The following KCNS2 variants were observed in gnomAD, a reference collection of about 807,000 sequenced individuals.
KCNS2 encodes potassium voltage-gated channel modifier subfamily S member 2, also known as delayed-rectifier potassium channel regulatory subunit KCNS2.
Under a neutral mutation model 28.3 loss-of-function variants are expected in KCNS2, and 15 were observed. That is an observed-to-expected ratio of 0.53 (90% CI 0.35 to 0.82). The LOEUF (loss-of-function observed/expected upper bound fraction) is 0.82. KCNS2 is among the 40% of genes least tolerant of loss of function. The pLI, the probability that KCNS2 is intolerant of heterozygous loss-of-function variation, is 0.01. For missense variants in KCNS2, 501 were observed against 617.1 expected (o/e 0.81, Z 1.99); for synonymous variants, 254 against 256.7 (o/e 0.99, Z 0.10).
rs541495971 is a variant in KCNS2, at chr8:98,429,409, G to A, written c.1430G>A (p.Arg477His). ...PSELSLNDSL[R>H] ...GAACTCAGTTTAAATGATTCCCTAC[G>A]TTAGCCGGGAGGACTTGTCACCCTC... Residue 477 changes from arginine (R) to histidine (H), a missense_variant, in exon 2 of 2, where the codon CGT becomes CAT. Transcript: ENST00000287042. The A allele has an allele frequency of 1.9e-5, 31 of 1,601,648 alleles. No individual in the cohort carries two copies. Among genetic ancestry groups the A allele is most frequent in the Non-Finnish European group, 2.4e-5 (28 of 1,170,384 alleles).
Position 98,429,289 on chromosome 8 carries a change from A to C in KCNS2, c.1310A>C (p.Lys437Thr). ...MRSCDFGDGM[K>T]EVPSVNLRDY... ...AGCTGTGACTTTGGAGATGGAATGAAGGAGGTCCCTTCGGTCAATTTAAGG... is the reference window on the plus strand; with the variant it reads ...AGCTGTGACTTTGGAGATGGAATGACGGAGGTCCCTTCGGTCAATTTAAGG... Residue 437 changes from lysine (K) to threonine (T), a missense_variant, in exon 2 of 2, where the codon AAG (lysine) becomes ACG (threonine). Lys to Thr is a moderately conservative substitution (Grantham distance 78). Transcript: ENST00000287042. 1 of 1,614,146 alleles carries C rather than the reference A, an allele frequency of 6.2e-7. No homozygotes were observed. The highest frequency in any genetic ancestry group is 1.1e-5 in the South Asian group (1 of 91,086).
At position 98,430,935 on chromosome 8, in the gene KCNS2, A is replaced by G. The variant is rs1344239052; in HGVS notation, c.*1522A>G. On this transcript the variant is annotated 3_prime_UTR_variant, in exon 2 of 2. Transcript: ENST00000287042. ...CTCTTGTTCGGTTAACCAGCACATA[A>G]CATTGTGATGGGGAACCTGGGTTCC... 6.0e-6 allele frequency: 1 copy of G among 167,094 alleles called. No homozygotes were observed. The highest frequency in any genetic ancestry group is 1.5e-5 in the Non-Finnish European group (1 of 68,126). 10.4% of individuals were successfully genotyped at this position (167,094 alleles called of 1,614,324 possible).
rs757083260 is a variant in KCNS2, at chr8:98,429,406, T to TA, written c.1428dup (p.Arg477ThrfsTer32). ...AGTGAACTCAGTTTAAATGATTCCC[T>TA]ACGTTAGCCGGGAGGACTTGTCACC... On this transcript the variant is annotated frameshift_variant, in exon 2 of 2. Coordinates refer to ENST00000287042, the MANE Select transcript of KCNS2 (RefSeq NM_020697.4). LOFTEE classifies it high-confidence loss of function. The TA allele has an allele frequency of 1.9e-6, 3 of 1,604,098 alleles. No homozygotes were observed. Among genetic ancestry groups the TA allele is most frequent in the Non-Finnish European group, 2.6e-6 (3 of 1,172,318 alleles).
rs772706491 is a variant in KCNS2 at position 98,429,131 on chromosome 8, C to A, written c.1152C>A (p.Thr384=). 1 of 1,613,322 alleles carries A rather than the reference C, an allele frequency of 6.2e-7. No homozygotes were observed. The highest frequency in any genetic ancestry group is 8.5e-7 in the Non-Finnish European group (1 of 1,179,394). The change falls in exon 2 of 2, where the codon ACC becomes ACA. Residue 384 remains threonine, a synonymous_variant. Coordinates refer to ENST00000287042, the MANE Select transcript of KCNS2 (RefSeq NM_020697.4). Reference sequence around the variant, plus strand: ...GGTACGGGGATGTGGTCCCAGGGACCACGGCAGGAAAGCTGACTGCCTCTG... The same window carrying A: ...GGTACGGGGATGTGGTCCCAGGGACAACGGCAGGAAAGCTGACTGCCTCTG... ...TVGYGDVVPG[T]TAGKLTASAC...
rs752921731 is a variant in KCNS2, at chr8:98,430,933, T to C, written c.*1520T>C. 5 of 167,132 alleles carry C rather than the reference T, an allele frequency of 3.0e-5. No individual in the cohort carries two copies. The highest frequency in any genetic ancestry group is 1.3e-4 in the Admixed American group (2 of 15,292). 10.4% of individuals were successfully genotyped at this position (167,132 alleles called of 1,614,324 possible). On this transcript the variant is annotated 3_prime_UTR_variant, in exon 2 of 2. Coordinates refer to ENST00000287042, the MANE Select transcript of KCNS2 (RefSeq NM_020697.4). ...TCCTCTTGTTCGGTTAACCAGCACA[T>C]AACATTGTGATGGGGAACCTGGGTT...
At position 98,429,197 on chromosome 8, in the gene KCNS2, C is replaced by T; in HGVS notation, c.1218C>T (p.Ile406=). 2.5e-6 allele frequency: 4 copies of T among 1,614,046 alleles called. No homozygotes were observed. The highest frequency in any genetic ancestry group is 3.4e-6 in the Non-Finnish European group (4 of 1,180,020). ...LAGILVVVLP[I]TLIFNKFSHF... The stretch of plus-strand genomic sequence containing the variant: ...GCATCCTCGTGGTGGTCCTGCCCAT[C>T]ACCTTGATCTTCAATAAGTTCTCCC... Residue 406 remains isoleucine (I), a synonymous_variant, in exon 2 of 2, where the codon ATC becomes ATT. Coordinates refer to ENST00000287042, the MANE Select transcript of KCNS2 (RefSeq NM_020697.4).
chr8:98,428,028 G>A lies in KCNS2; in HGVS notation c.49G>A (p.Gly17Arg), dbSNP rs144362730. 6.9e-6 allele frequency: 11 copies of A among 1,605,084 alleles called. No homozygotes were observed. Among genetic ancestry groups the A allele is most frequent in the South Asian group, 1.1e-5 (1 of 90,068 alleles). The change falls in exon 2 of 2, where the codon GGG (glycine) becomes AGG (arginine). Residue 17 changes from glycine to arginine, a missense_variant. Coordinates refer to ENST00000287042, the MANE Select transcript of KCNS2 (RefSeq NM_020697.4). The surrounding 1 kb of genome is among the most constrained non-coding windows in gnomAD (Gnocchi z 6.7). ...CGTGTCGGAGGCTAACGTCGAGGAC[G>A]GGGAGATCCGCATCAATGTGGGCGG... ...WDVSEANVEDGEIRINVGGFK... is the reference protein window; with the variant it reads ...WDVSEANVEDREIRINVGGFK...
rs1818292320 is a variant in KCNS2, at chr8:98,429,123, C to T, written c.1144C>T (p.Pro382Ser). 6.2e-7 allele frequency: 1 copy of T among 1,613,278 alleles called. No individual in the cohort carries two copies. Among genetic ancestry groups the T allele is most frequent in the Non-Finnish European group, 8.5e-7 (1 of 1,179,402 alleles). Residue 382 changes from proline (P) to serine (S), a missense_variant, in exon 2 of 2, where the codon CCA becomes TCA. Pro to Ser is a moderately conservative substitution (Grantham distance 74, BLOSUM62 -1). Transcript: ENST00000287042. ...CACAGTGGGGTACGGGGATGTGGTC[C>T]CAGGGACCACGGCAGGAAAGCTGAC... ...MTTVGYGDVV[P>S]GTTAGKLTAS...
rs2131067759 is a variant in KCNS2 at position 98,428,222 on chromosome 8, G to A, written c.243G>A (p.Val81=). 1.2e-6 allele frequency: 2 copies of A among 1,614,144 alleles called. No individual in the cohort carries two copies. Among genetic ancestry groups the A allele is most frequent in the East Asian group, 2.2e-5 (1 of 44,880 alleles). Residue 81 remains valine (V), a synonymous_variant, in exon 2 of 2, where the codon GTG becomes GTA. Transcript: ENST00000287042. This position sits in a 1 kb window ranked among gnomAD's most constrained non-coding sequence, Gnocchi z 6.7. The stretch of plus-strand genomic sequence containing the variant: ...GCAACCCTGAGCTCTTCCCCTACGT[G>A]CTGCATTTCTATCACACCGGCAAGC... ...FDRNPELFPY[V]LHFYHTGKLH... is the part of the protein sequence containing the mutation.
rs1332805039 is a variant in KCNS2 at position 98,430,375 on chromosome 8, G to A, written c.*962G>A. On this transcript the variant is annotated 3_prime_UTR_variant, in exon 2 of 2. Transcript: ENST00000287042. ...TATTTATTTTTTAAGATGTTTAGGAGTAAGGTCGTGTTGTCTTCCTCAACT... is the reference window on the plus strand; with the variant it reads ...TATTTATTTTTTAAGATGTTTAGGAATAAGGTCGTGTTGTCTTCCTCAACT... 1.2e-5 allele frequency: 2 copies of A among 167,090 alleles called. No individual in the cohort carries two copies. The highest frequency in any genetic ancestry group is 2.9e-5 in the Non-Finnish European group (2 of 68,124). The allele number at this position is 167,090 out of a possible 1,614,324, so 10.4% of individuals were successfully genotyped here.
Position 98,428,539 on chromosome 8 carries a change from G to A in KCNS2, c.560G>A (p.Arg187Lys), listed in dbSNP as rs1246511291. Residue 187 changes from arginine (R) to lysine (K), a missense_variant, in exon 2 of 2, where the codon AGG becomes AAG. Physicochemically the swap from Arg to Lys is conservative, Grantham distance 26. Transcript: ENST00000287042. The surrounding 1 kb of genome is among the most constrained non-coding windows in gnomAD (Gnocchi z 6.7). ...AACCCCGGCTACTCAGTGCTGAGCA[G>A]GGTCTTCAGCATCCTGTCCATCCTG... Reference protein sequence around the residue: ...LDNPGYSVLSRVFSILSILVV... With the variant: ...LDNPGYSVLSKVFSILSILVV... 2 of 1,614,200 alleles carry A rather than the reference G, an allele frequency of 1.2e-6. No individual in the cohort carries two copies. The highest frequency in any genetic ancestry group is 1.1e-5 in the South Asian group (1 of 91,088).
At position 98,432,661 on chromosome 8, in the gene KCNS2, TG is replaced by T. The variant is rs1243490084; in HGVS notation, c.*3251del. The T allele has an allele frequency of 6.0e-6, 1 of 167,132 alleles. No homozygotes were observed. Among genetic ancestry groups the T allele is most frequent in the Non-Finnish European group, 1.5e-5 (1 of 68,124 alleles). 10.4% of individuals were successfully genotyped at this position (167,132 alleles called of 1,614,324 possible). On this transcript the variant is annotated 3_prime_UTR_variant, in exon 2 of 2. Transcript: ENST00000287042. ...AAAGAAAATAAGTTGTTATGCACTT[TG>T]GGATAGTGGTGATCTGTACAGGCTG...
Position 98,429,251 on chromosome 8 carries a change from G to C in KCNS2, c.1272G>C (p.Glu424Asp). ...TTTACCGGCGCCAAAAGCAACTTGA[G>C]AGTGCCATGCGCAGCTGTGACTTTG... Reference protein sequence around the residue: ...SHFYRRQKQLESAMRSCDFGD... With the variant: ...SHFYRRQKQLDSAMRSCDFGD... Residue 424 changes from glutamate (E) to aspartate (D), a missense_variant, in exon 2 of 2, where the codon GAG (glutamate) becomes GAC (aspartate). Coordinates refer to ENST00000287042, the MANE Select transcript of KCNS2 (RefSeq NM_020697.4). 6.2e-7 allele frequency: 1 copy of C among 1,614,104 alleles called. No individual in the cohort carries two copies. The highest frequency in any genetic ancestry group is 8.5e-7 in the Non-Finnish European group (1 of 1,180,048).
rs1303666289 is a variant in KCNS2 at position 98,431,624 on chromosome 8, G to A, written c.*2211G>A. The A allele has an allele frequency of 6.0e-6, 1 of 167,084 alleles. No individual in the cohort carries two copies. The highest frequency in any genetic ancestry group is 2.4e-5 in the African/African-American group (1 of 41,434). The allele number at this position is 167,084 out of a possible 1,614,324, so 10.4% of individuals were successfully genotyped here. A position where few individuals can be genotyped will look rare whatever the true frequency, so the allele number is the denominator to read the frequency against. ...CCGCTGACCAGGAAGCTTATGCAAA[G>A]TGGAAGCAAGGAACAAGGCAGAATA... On this transcript the variant is annotated 3_prime_UTR_variant, in exon 2 of 2. Coordinates refer to ENST00000287042, the MANE Select transcript of KCNS2 (RefSeq NM_020697.4).
chr8:98,429,264 A>C lies in KCNS2; in HGVS notation c.1285A>C (p.Ser429Arg), dbSNP rs1818294460. The C allele has an allele frequency of 6.2e-7, 1 of 1,614,094 alleles. No homozygotes were observed. The highest frequency in any genetic ancestry group is 8.5e-7 in the Non-Finnish European group (1 of 1,180,036). Residue 429 changes from serine (S) to arginine (R), a missense_variant, in exon 2 of 2, where the codon AGC becomes CGC. By Grantham distance (110) the Ser-to-Arg change is moderately radical. Transcript: ENST00000287042. ...RQKQLESAMR[S>R]CDFGDGMKEV... is the part of the protein sequence containing the mutation. The stretch of plus-strand genomic sequence containing the variant: ...AAAGCAACTTGAGAGTGCCATGCGC[A>C]GCTGTGACTTTGGAGATGGAATGAA...
chr8:98,429,405 C>G lies in KCNS2; in HGVS notation c.1426C>G (p.Leu476Val). ...SPSELSLNDS[L>V]R The stretch of plus-strand genomic sequence containing the variant: ...AAGTGAACTCAGTTTAAATGATTCC[C>G]TACGTTAGCCGGGAGGACTTGTCAC... Residue 476 changes from leucine (L) to valine (V), a missense_variant, in exon 2 of 2, where the codon CTA (leucine) becomes GTA (valine). Transcript: ENST00000287042. The G allele has an allele frequency of 6.2e-7, 1 of 1,606,486 alleles. No homozygotes were observed. The highest frequency in any genetic ancestry group is 2.2e-5 in the East Asian group (1 of 44,778).
rs1818300877 is a variant in KCNS2, at chr8:98,429,621, C to T, written c.*208C>T. The T allele has an allele frequency of 1.5e-5, 8 of 537,330 alleles. No individual in the cohort carries two copies. Among genetic ancestry groups the T allele is most frequent in the Non-Finnish European group, 2.7e-5 (8 of 298,114 alleles). The allele number at this position is 537,330 out of a possible 1,614,324, so 33.3% of individuals were successfully genotyped here. A position where few individuals can be genotyped will look rare whatever the true frequency, so the allele number is the denominator to read the frequency against. ...CTGACACCATGCCTTTGCACCTTTCCATGAAATGACACTCACTGGTCTTTG... is the reference window on the plus strand; with the variant it reads ...CTGACACCATGCCTTTGCACCTTTCTATGAAATGACACTCACTGGTCTTTG... On this transcript the variant is annotated 3_prime_UTR_variant, in exon 2 of 2. Transcript: ENST00000287042.
Position 98,428,493 on chromosome 8 carries a change from C to A in KCNS2, c.514C>A (p.Gln172Lys), listed in dbSNP as rs1818278743. The change falls in exon 2 of 2, where the codon CAG (glutamine) becomes AAG (lysine). Residue 172 changes from glutamine to lysine, a missense_variant. Physicochemically the swap from Gln to Lys is moderately conservative, Grantham distance 53. Transcript: ENST00000287042. This position sits in a 1 kb window ranked among gnomAD's most constrained non-coding sequence, Gnocchi z 6.7. Reference sequence around the variant, plus strand: ...GCAGCCCCTCGGCAACTTCCGCAGGCAGCTGTGGCTGGCGCTGGACAACCC... The same window carrying A: ...GCAGCCCCTCGGCAACTTCCGCAGGAAGCTGTGGCTGGCGCTGGACAACCC... ...DGQPLGNFRR[Q>K]LWLALDNPGY... is the part of the protein sequence containing the mutation. 1 of 1,614,168 alleles carries A rather than the reference C, an allele frequency of 6.2e-7. No homozygotes were observed. The highest frequency in any genetic ancestry group is 1.3e-5 in the African/African-American group (1 of 75,064).
chr8:98,430,261 T>A lies in KCNS2; in HGVS notation c.*848T>A, dbSNP rs1360607163. On this transcript the variant is annotated 3_prime_UTR_variant, in exon 2 of 2. Transcript: ENST00000287042. ...AAGCCTCCTTGTTTCCTAGGGTGAC[T>A]GTAGAGAAATGTATTTCCGGATGAG... The A allele has an allele frequency of 1.8e-5, 3 of 167,210 alleles. No individual in the cohort carries two copies. The East Asian group carries it at 5.8e-4, about 32-fold the overall frequency. 10.4% of individuals were successfully genotyped at this position (167,210 alleles called of 1,614,324 possible). A position where few individuals can be genotyped will look rare whatever the true frequency, so the allele number is the denominator to read the frequency against.
Sources: allele counts gnomAD v4.1 joint callset, GRCh38; gene constraint gnomAD v4.1.1; non-coding constraint Gnocchi (gnomAD v3.1); transcripts MANE v1.5; gene names NCBI Gene and HGNC (gene_info 2026-07-23, HGNC 2026-07-21).